Variants in PSD3 observed in about 807,000 individuals in gnomAD.
The protein encoded by PSD3 is pleckstrin and Sec7 domain containing 3, also known as PH and SEC7 domain-containing protein 3.
Under a neutral mutation model 105.5 loss-of-function variants are expected in PSD3, and 49 were observed. The ratio of observed to expected loss-of-function variants is 0.46; its 90% CI spans 0.37 to 0.59. The LOEUF is 0.59. PSD3 is among the 20% of genes least tolerant of loss of function. PSD3 has a pLI of 0.00. For missense variants in PSD3, 1,561 were observed against 1,263.8 expected, an observed-to-expected ratio of 1.24 and a Z score of -3.57; for synonymous variants, 557 against 457.8, an observed-to-expected ratio of 1.22 and a Z score of -2.77.
chr8:18,697,424 T>G (rs1801322719), intron 9 of PSD3, among the ~76,000 whole-genome samples: 1 of 152,224 alleles, frequency 6.6e-6, no homozygotes, highest in Non-Finnish European at 1.5e-5. Flanking sequence ...CCCATCTCCT[T>G]GACAGTCTAT....
intron 12 of PSD3, among the ~76,000 whole-genome samples, chr8:18,575,964 TC>T (rs1802438992): frequency 1.3e-5 from 2 of 152,116 alleles, no homozygotes; most frequent in South Asian, 4.1e-4. Context: ...CCTTCCTCCT[TC>T]CCATATTTTA....
At chr8:18,681,993 T>C (rs1196528897) in intron 9 of PSD3, among the ~76,000 whole-genome samples, 5 of 145,262 alleles carry the variant, frequency 3.4e-5, no homozygotes, top group Non-Finnish European at 7.4e-5. Flanking sequence ...CCTGCGGCGT[T>C]TGCAATATTC....
chr8:18,900,596 G>T (rs950205045), intron 2 of PSD3, among the ~76,000 whole-genome samples: 2 of 148,842 alleles, frequency 1.3e-5, no homozygotes, highest in Non-Finnish European at 1.5e-5. Flanking sequence ...GTTTATAGTA[G>T]TGAACTAAAC....
chr8:18,779,708 T>C (rs773610083), intron 8 of PSD3, among the ~76,000 whole-genome samples: 6 of 152,192 alleles, frequency 3.9e-5, no homozygotes, highest in African/African-American at 9.6e-5. Context: ...TGGCTCATAA[T>C]TGTGGCTTAA....
chr8:18,584,582 T>A (rs933694480), intron 12 of PSD3, among the ~76,000 whole-genome samples: 1 of 152,222 alleles, frequency 6.6e-6, no homozygotes, highest in Non-Finnish European at 1.5e-5. Context: ...CAACCTATTA[T>A]ACTAACAAAC....
chr8:18,964,128 T>C (rs1010748596), intron 1 of PSD3, among the ~76,000 whole-genome samples: 1 of 151,888 alleles, frequency 6.6e-6, no homozygotes, highest in Non-Finnish European at 1.5e-5. Context: ...GTTTTTTTTG[T>C]TTGTTTGTTT....
chr8:18,603,622 C>T (rs576256339), intron 11 of PSD3, among the ~76,000 whole-genome samples: 2 of 152,266 alleles, frequency 1.3e-5, no homozygotes, highest in African/African-American at 2.4e-5. Context: ...GATCTGTGTG[C>T]CCACCCAAAT....
chr8:18,967,801 T>TTACCA (rs1824375145), intron 1 of PSD3, among the ~76,000 whole-genome samples: 1 of 152,192 alleles, frequency 6.6e-6, no homozygotes, highest in Non-Finnish European at 1.5e-5. Flanking sequence ...ATGTGAAAGA[T>TTACCA]ACACACAGGT....
chr8:18,836,065 T>C (rs569018650), intron 4 of PSD3, among the ~76,000 whole-genome samples: 1 of 152,274 alleles, frequency 6.6e-6, no homozygotes, highest in South Asian at 2.1e-4. Context: ...AGTTGAGATA[T>C]GAATGTATTT....
intron 4 of PSD3, 101 bp downstream of exon 4, chr8:18,867,573 A>C: frequency 6.1e-5 from 82 of 1,348,422 alleles, no homozygotes; most frequent in Non-Finnish European, 7.0e-5. Flanking sequence ...GTCCACAGAA[A>C]TTGGCCAAAT....
chr8:18,971,493 G>C (rs191581935), intron 1 of PSD3, among the ~76,000 whole-genome samples: 2 of 152,344 alleles, frequency 1.3e-5, no homozygotes, highest in Admixed American at 1.3e-4. Context: ...ATACCAGAAT[G>C]GGTGGGGCTG....
At chr8:18,717,652 A>C (rs1802686894) in intron 9 of PSD3, among the ~76,000 whole-genome samples, 1 of 152,202 alleles carries the variant, frequency 6.6e-6, no homozygotes, top group African/African-American at 2.4e-5. Context: ...CAAAGCAGCC[A>C]CAATACTGGC....
intron 9 of PSD3, among the ~76,000 whole-genome samples, chr8:18,660,503 A>G (rs2130870617): frequency 6.6e-6 from 1 of 152,354 alleles, no homozygotes; most frequent in South Asian, 2.1e-4. Context: ...GAATGATGAT[A>G]TACCCACAGG....
intron 1 of PSD3, among the ~76,000 whole-genome samples, chr8:19,045,206 G>A (rs920438352): frequency 6.6e-6 from 1 of 151,568 alleles, no homozygotes; most frequent in African/African-American, 2.4e-5. Flanking sequence ...CAAAAACCCA[G>A]AAAGAAAGAA....
chr8:19,081,532 G>T (rs1210123249), intron 1 of PSD3, among the ~76,000 whole-genome samples: 1 of 152,218 alleles, frequency 6.6e-6, no homozygotes, highest in African/African-American at 2.4e-5. Flanking sequence ...CACGAGTGAA[G>T]TGGGGTGATA....
intron 9 of PSD3, among the ~76,000 whole-genome samples, chr8:18,669,949 A>G (rs7844180): frequency 0.087 from 13,235 of 152,282 alleles, 733 homozygotes; most frequent in African/African-American, 0.15. Flanking sequence ...TTATTTAGGC[A>G]TCGTGAATCC....
chr8:18,584,313 T>C (rs1166075786), intron 12 of PSD3, among the ~76,000 whole-genome samples: 1 of 152,186 alleles, frequency 6.6e-6, no homozygotes, highest in African/African-American at 2.4e-5. Flanking sequence ...GCCAAGTTAG[T>C]TGAAGCTGGG....
intron 4 of PSD3, among the ~76,000 whole-genome samples, chr8:18,864,327 G>T (rs138153385): frequency 6.6e-6 from 1 of 151,980 alleles, no homozygotes; most frequent in African/African-American, 2.4e-5. Context: ...TTCCTTATTC[G>T]GAAAATTAGA....
chr8:18,907,971 A>G (rs1055704801), intron 2 of PSD3, among the ~76,000 whole-genome samples: 4 of 152,248 alleles, frequency 2.6e-5, no homozygotes, highest in Non-Finnish European at 5.9e-5. Context: ...AAAATTCTAA[A>G]TTTTAAGTAT....
Sources: allele counts gnomAD v4.1 joint callset (sites outside exome capture counted in the v4.1 genomes callset), GRCh38; gene constraint gnomAD v4.1.1; transcripts MANE v1.5; gene names NCBI Gene and HGNC (gene_info 2026-07-23, HGNC 2026-07-21).